Variants in RAD51AP1 observed in about 807,000 individuals in gnomAD.
RAD51AP1 encodes RAD51 associated protein 1.
Under a neutral mutation model 34.3 loss-of-function variants are expected in RAD51AP1, and 14 were observed. That is an observed-to-expected ratio of 0.41 (90% CI 0.27 to 0.64). RAD51AP1 has a LOEUF of 0.64. RAD51AP1 is among the 30% of genes least tolerant of loss of function. The pLI is 0.33. For missense variants in RAD51AP1, 348 were observed against 386.9 expected (o/e 0.90, Z 0.84); for synonymous variants, 114 against 129.8 (o/e 0.88, Z 0.83).
chr12:4,553,092 A>G lies in RAD51AP1; in HGVS notation c.666A>G (p.Val222=), dbSNP rs1451080740. 27 of 1,603,342 alleles carry G rather than the reference A, an allele frequency of 1.7e-5. No homozygotes were observed. The highest frequency in any genetic ancestry group is 2.1e-5 in the Non-Finnish European group (25 of 1,173,598). ...VKEIKKKEVK[V]KSPVEKKEKK... The stretch of plus-strand genomic sequence containing the variant: ...AAATTAAAAAGAAAGAAGTGAAGGT[A>G]AAATCCCCAGTAGAAAAGAAAGAGA... Residue 222 remains valine, a synonymous_variant, in exon 7 of 9, where the codon GTA becomes GTG. Transcript: ENST00000352618.
At chr12:4,542,403 A>C (rs1354603082) in intron 2 of RAD51AP1, among the ~76,000 whole-genome samples, 3 of 152,214 alleles carry the variant, frequency 2.0e-5, no homozygotes, top group Non-Finnish European at 4.4e-5. Context: ...ATTGCATTAG[A>C]TTATGTTATA....
At chr12:4,554,374 T>G (rs1944568260) in intron 7 of RAD51AP1, among the ~76,000 whole-genome samples, 1 of 152,222 alleles carries the variant, frequency 6.6e-6, no homozygotes, top group South Asian at 2.1e-4. Flanking sequence ...TTTCCCCATC[T>G]AAGATTCTTA....
At chr12:4,539,995 A>G (rs1240953649) in intron 1 of RAD51AP1, among the ~76,000 whole-genome samples, 1 of 152,212 alleles carries the variant, frequency 6.6e-6, no homozygotes, top group African/African-American at 2.4e-5. Context: ...CAGGTATTAT[A>G]TCATTGGAGA....
At chr12:4,552,876 C>G (rs936091079) in intron 6 of RAD51AP1, 107 bp from the exon 7 acceptor site, 2 of 1,021,940 alleles carry the variant, frequency 2.0e-6, no homozygotes, top group Non-Finnish European at 1.3e-6. Context: ...CTACTGGAAA[C>G]AGTGCAGCAC....
rs755832383 is a variant in RAD51AP1 at position 4,553,036 on chromosome 12, G to T, written c.610G>T (p.Asp204Tyr). ...DFCESEDNDE[D>Y]FSMRKSKVKE... is the part of the protein sequence containing the mutation. ...TTGTGAGAGTGAGGATAATGACGAA[G>T]ACTTCTCTATGAGAAAAAGTAAAGT... Residue 204 changes from aspartate to tyrosine, a missense_variant, in exon 7 of 9, where the codon GAC (aspartate) becomes TAC (tyrosine). By Grantham distance (160) the Asp-to-Tyr change is radical. Transcript: ENST00000352618. The T allele has an allele frequency of 1.9e-6, 3 of 1,605,838 alleles. No homozygotes were observed. In the South Asian group the frequency reaches 3.4e-5, roughly 18 times the overall value.
chr12:4,554,902 A>G (rs1944571598), intron 7 of RAD51AP1, among the ~76,000 whole-genome samples: 1 of 152,220 alleles, frequency 6.6e-6, no homozygotes, highest in African/African-American at 2.4e-5. Flanking sequence ...AAATTAAGTA[A>G]AATTTAAAAA....
chr12:4,547,644 G>T (rs1450631104), intron 4 of RAD51AP1, among the ~76,000 whole-genome samples: 1 of 152,080 alleles, frequency 6.6e-6, no homozygotes, highest in Non-Finnish European at 1.5e-5. Context: ...TCATTTTAAG[G>T]TTATTATAAC....
chr12:4,555,616 G>A (rs1278219205), intron 7 of RAD51AP1, among the ~76,000 whole-genome samples: 2 of 152,146 alleles, frequency 1.3e-5, no homozygotes, highest in Admixed American at 6.5e-5. Flanking sequence ...GCCGTACACT[G>A]AACCAGTCAG....
chr12:4,559,212 C>T lies in RAD51AP1; in HGVS notation c.*219C>T, dbSNP rs1405262285. 3 of 472,082 alleles carry T rather than the reference C, an allele frequency of 6.4e-6. No homozygotes were observed. The highest frequency in any genetic ancestry group is 1.1e-5 in the Non-Finnish European group (3 of 273,190). The allele number at this position is 472,082 out of a possible 1,614,324, so 29.2% of individuals were successfully genotyped here. ...ATAAGAATTATCTTCTCATACCTTTCCTTGTGAAGAGCGTATTCTGTTTTT... is the reference window on the plus strand; with the variant it reads ...ATAAGAATTATCTTCTCATACCTTTTCTTGTGAAGAGCGTATTCTGTTTTT... On this transcript the variant is annotated 3_prime_UTR_variant, in exon 9 of 9. Transcript: ENST00000352618.
intron 4 of RAD51AP1, among the ~76,000 whole-genome samples, chr12:4,546,689 G>A (rs1944508755): frequency 6.6e-6 from 1 of 152,124 alleles, no homozygotes. Context: ...GTTGTACAGT[G>A]AACATTTAAT....
At chr12:4,548,898 G>T in intron 6 of RAD51AP1, 62 bp downstream of exon 6, 18 of 1,557,432 alleles carry the variant, frequency 1.2e-5, no homozygotes, top group Non-Finnish European at 1.6e-5. Flanking sequence ...GTTCTTGGAA[G>T]CTATTAATTG....
At chr12:4,545,663 T>C in intron 3 of RAD51AP1, 1 of 970,848 alleles carries the variant, frequency 1.0e-6, no homozygotes, top group Non-Finnish European at 1.5e-6. Flanking sequence ...GTCTTTGACG[T>C]TTTCTTCCTC....
chr12:4,545,917 G>C, intron 3 of RAD51AP1: 1 of 1,494,860 alleles, frequency 6.7e-7, no homozygotes, highest in South Asian at 1.2e-5. Flanking sequence ...TTTAATGTAA[G>C]AGCTATAAAA....
intron 4 of RAD51AP1, among the ~76,000 whole-genome samples, chr12:4,547,018 G>A (rs1367452309): frequency 1.3e-5 from 2 of 152,114 alleles, no homozygotes; most frequent in Non-Finnish European, 2.9e-5. Context: ...ATCTTATTTA[G>A]GGGTATACAT....
intron 3 of RAD51AP1, chr12:4,545,402 G>A (rs1475181926): frequency 3.1e-6 from 1 of 318,570 alleles, no homozygotes; most frequent in Non-Finnish European, 6.2e-6. Flanking sequence ...GCTAGGAGGG[G>A]AGAGGGGTAA....
chr12:4,540,635 C>T (rs1449167128), intron 1 of RAD51AP1, among the ~76,000 whole-genome samples: 1 of 151,548 alleles, frequency 6.6e-6, no homozygotes, highest in Non-Finnish European at 1.5e-5. Context: ...TAGCTTAACC[C>T]TTAAGTATAC....
intron 6 of RAD51AP1, among the ~76,000 whole-genome samples, chr12:4,552,260 C>T (rs892185967): frequency 6.6e-6 from 1 of 152,076 alleles, no homozygotes; most frequent in Non-Finnish European, 1.5e-5. Context: ...ATCCTAACCC[C>T]CTCAAAAAAT....
chr12:4,545,851 ATTTGT>A, intron 3 of RAD51AP1: 2 of 1,603,152 alleles, frequency 1.2e-6, no homozygotes, highest in Non-Finnish European at 8.5e-7. Context: ...TTGGTAAAAT[ATTTGT>A]TAAAGTCTGG....
intron 4 of RAD51AP1, among the ~76,000 whole-genome samples, chr12:4,547,805 C>A (rs1944516972): frequency 6.6e-6 from 1 of 152,196 alleles, no homozygotes; most frequent in South Asian, 2.1e-4. Context: ...GGGTAAGACA[C>A]TATTTTTATC....
Sources: allele counts gnomAD v4.1 joint callset (sites outside exome capture counted in the v4.1 genomes callset), GRCh38; gene constraint gnomAD v4.1.1; transcripts MANE v1.5; gene names NCBI Gene and HGNC (gene_info 2026-07-23, HGNC 2026-07-21).